KANSL2: variants seen among roughly 807,000 people sequenced by gnomAD.
KANSL2 encodes the protein KAT8 regulatory NSL complex subunit 2.
A neutral mutation model predicts 55.6 loss-of-function variants in KANSL2; 34 were observed. The observed-to-expected ratio is 0.61, with a 90% CI of 0.46 to 0.81. The LOEUF is 0.81. Ranked by LOEUF, KANSL2 falls within the 40% of genes least tolerant of loss-of-function variation. The pLI is 0.00. For synonymous variants in KANSL2, 209 were observed against 214.3 expected (o/e 0.98, Z 0.22); for missense variants, 502 against 609.9 (o/e 0.82, Z 1.86).
At chr12:48,664,381 G>A (rs1939549326) in intron 7 of KANSL2, among the ~76,000 whole-genome samples, 1 of 149,396 alleles carries the variant, frequency 6.7e-6, no homozygotes, top group South Asian at 2.1e-4. Context: ...CCAAGTTCAT[G>A]CCATTCTCCC....
chr12:48,663,978 C>A (rs1939540022), intron 7 of KANSL2, among the ~76,000 whole-genome samples: 1 of 137,582 alleles, frequency 7.3e-6, no homozygotes, highest in Admixed American at 8.6e-5. Context: ...AGTGCAATGG[C>A]ACGATATCGG....
intron 5 of KANSL2, among the ~76,000 whole-genome samples, chr12:48,671,489 G>C (rs1373570319): frequency 6.6e-6 from 1 of 152,062 alleles, no homozygotes; most frequent in African/African-American, 2.4e-5. Context: ...TTCATGCTAA[G>C]TGCCCATTTT....
At chr12:48,678,482 A>G (rs893099562) in intron 4 of KANSL2, among the ~76,000 whole-genome samples, 2 of 152,206 alleles carry the variant, frequency 1.3e-5, no homozygotes, top group African/African-American at 2.4e-5. Context: ...ACACAAAAAA[A>G]CACTAAATGC....
At chr12:48,668,819 A>G (rs1361566361) in intron 6 of KANSL2, among the ~76,000 whole-genome samples, 1 of 152,184 alleles carries the variant, frequency 6.6e-6, no homozygotes, top group African/African-American at 2.4e-5. Flanking sequence ...AGGTGGGTAG[A>G]TCACGAGGTC....
At chr12:48,657,746 A>G (rs1455573968) in intron 8 of KANSL2, among the ~76,000 whole-genome samples, 1 of 152,076 alleles carries the variant, frequency 6.6e-6, no homozygotes, top group African/African-American at 2.4e-5. Flanking sequence ...CCTCCCCAGT[A>G]GCTGGGATTA....
Position 48,667,780 on chromosome 12 carries a change from T to C in KANSL2, c.886A>G (p.Thr296Ala). ...TDGAAQQAHT[T>A]RSSQRCLAFV... ...GCCAAGCACCTCTGACTGGAACGAG[T>C]GGTATGGGCCTGAAATGGAAAAAGA... Residue 296 changes from threonine (T) to alanine (A), a missense_variant, in exon 7 of 10, where the codon ACT becomes GCT. Transcript: ENST00000420613. 1 of 1,612,804 alleles carries C rather than the reference T, an allele frequency of 6.2e-7. No homozygotes were observed. Among genetic ancestry groups the C allele is most frequent in the Non-Finnish European group, 8.5e-7 (1 of 1,179,074 alleles).
intron 6 of KANSL2, among the ~76,000 whole-genome samples, 191 bp from the exon 7 acceptor site, chr12:48,667,980 T>C (rs1214131603): frequency 6.6e-6 from 1 of 152,156 alleles, no homozygotes; most frequent in African/African-American, 2.4e-5. Context: ...TCAACCTCAA[T>C]CCCAAATACA....
chr12:48,667,473 T>G (rs1208449761), intron 7 of KANSL2: 1 of 667,282 alleles, frequency 1.5e-6, no homozygotes, highest in Admixed American at 1.9e-5. Flanking sequence ...TTCTTTCTAA[T>G]GAATTGACCA....
intron 2 of KANSL2, among the ~76,000 whole-genome samples, chr12:48,680,448 T>A (rs1016034505): frequency 1.2e-4 from 18 of 152,068 alleles, no homozygotes; most frequent in African/African-American, 4.3e-4. Flanking sequence ...TCCCGTGGCC[T>A]CCCAAAGTGC....
At chr12:48,669,348 G>A (rs924147783) in intron 5 of KANSL2, 76 bp from the exon 6 acceptor site, 32 of 1,225,770 alleles carry the variant, frequency 2.6e-5, no homozygotes, top group Non-Finnish European at 3.2e-5. Flanking sequence ...CAAGTAAACA[G>A]GAAAATCCTT....
intron 4 of KANSL2, among the ~76,000 whole-genome samples, chr12:48,678,725 A>C (rs1252397107): frequency 6.6e-6 from 1 of 152,176 alleles, no homozygotes; most frequent in Non-Finnish European, 1.5e-5. Flanking sequence ...TCTCTTCTCT[A>C]AACTGGTCTG....
At chr12:48,667,600 A>T in intron 7 of KANSL2, 93 bp downstream of exon 7, 1 of 1,041,664 alleles carries the variant, frequency 9.6e-7, no homozygotes, top group Non-Finnish European at 1.5e-6. Context: ...CCAAAGGAAA[A>T]CAAAATCCTT....
At chr12:48,670,434 A>G (rs763143007) in intron 5 of KANSL2, among the ~76,000 whole-genome samples, 1 of 152,314 alleles carries the variant, frequency 6.6e-6, no homozygotes, top group Non-Finnish European at 1.5e-5. Flanking sequence ...TTGTCCCCGA[A>G]GACCTTCCAC....
Position 48,681,341 on chromosome 12 carries a change from T to G in KANSL2, c.251+41A>C, listed in dbSNP as rs747730363. On this transcript the variant is annotated intron_variant, in intron 2 of 9. Coordinates refer to ENST00000420613, the MANE Select transcript of KANSL2 (RefSeq NM_017822.4). ...AGCCCGCATCATATCACATACCCCC[T>G]CGCTTTAAGAAAAACGACATATATA... 1.3e-5 allele frequency: 21 copies of G among 1,557,978 alleles called. No individual in the cohort carries two copies. The African/African-American group carries it at 2.7e-4, about 20-fold the overall frequency.
chr12:48,655,083 T>C (rs374159623), intron 8 of KANSL2, 23 bp from the exon 9 acceptor site: 33 of 1,555,686 alleles, frequency 2.1e-5, no homozygotes, highest in Non-Finnish European at 2.8e-5. Flanking sequence ...GAAAAGCCCA[T>C]CAGCAATACC....
At chr12:48,671,309 G>T (rs1326685988) in intron 5 of KANSL2, among the ~76,000 whole-genome samples, 1 of 150,868 alleles carries the variant, frequency 6.6e-6, no homozygotes, top group Non-Finnish European at 1.5e-5. Flanking sequence ...AAAAGTTACA[G>T]TAAGCTAAGG....
intron 4 of KANSL2, among the ~76,000 whole-genome samples, chr12:48,674,733 C>A (rs1939788988): frequency 6.6e-6 from 1 of 152,004 alleles, no homozygotes; most frequent in East Asian, 1.9e-4. Flanking sequence ...CGAGACCAGC[C>A]TGGCCAACAT....
intron 8 of KANSL2, among the ~76,000 whole-genome samples, chr12:48,655,923 T>C (rs1740091671): frequency 6.6e-6 from 1 of 152,138 alleles, no homozygotes; most frequent in South Asian, 2.1e-4. Flanking sequence ...CACACATACA[T>C]ACATAGGTTA....
intron 7 of KANSL2, among the ~76,000 whole-genome samples, chr12:48,663,864 C>G (rs1165025515): frequency 4.7e-5 from 7 of 148,806 alleles, no homozygotes; most frequent in Non-Finnish European, 7.4e-5. Flanking sequence ...ATGAATTGTT[C>G]AAAGGCCAAC....
Sources: gnomAD v4.1 joint callset for allele counts (sites outside exome capture counted in the v4.1 genomes callset) on GRCh38, gnomAD v4.1.1 for gene constraint, MANE v1.5 for transcripts, NCBI Gene and HGNC (gene_info 2026-07-23, HGNC 2026-07-21) for gene names.